Variants in AGAP6 observed in about 807,000 individuals in gnomAD.
AGAP6 encodes arf-GAP with GTPase, ANK repeat and PH domain-containing protein 6.
Under a neutral mutation model 63.9 loss-of-function variants are expected in AGAP6, and 29 were observed. The observed-to-expected ratio is 0.45, with a 90% CI of 0.34 to 0.62. The LOEUF (loss-of-function observed/expected upper bound fraction) is 0.62, where lower values mean the gene tolerates loss of function less well. AGAP6 is among the 20% of genes least tolerant of loss of function. The pLI is 0.01. For synonymous variants in AGAP6, 199 were observed against 332.9 expected, an observed-to-expected ratio of 0.60 and a Z score of 4.38; for missense variants, 493 against 884.9, an observed-to-expected ratio of 0.56 and a Z score of 5.62.
chr10:49,999,218 CA>C (rs1260023899), intron 4 of AGAP6, among the ~76,000 whole-genome samples: 1 of 134,902 alleles, frequency 7.4e-6, no homozygotes, highest in Admixed American at 8.4e-5. Context: ...CCAGCCTGGG[CA>C]ACAGAGCGAG....
At chr10:49,994,357 T>C (rs1554861597) in intron 3 of AGAP6, 38 bp from the exon 4 acceptor site, 6 of 1,515,214 alleles carry the variant, frequency 4.0e-6, no homozygotes, top group Non-Finnish European at 5.3e-6. Context: ...TTATGGTATT[T>C]GTATCAGAAG....
intron 3 of AGAP6, among the ~76,000 whole-genome samples, chr10:49,992,762 CT>C (rs1309392430): frequency 0.025 from 3,678 of 144,968 alleles, 85 homozygotes; most frequent in African/African-American, 0.067. Flanking sequence ...AGGTACCACA[CT>C]TTTTTTTTTT....
At chr10:50,004,659 G>T (rs1358096827) in intron 5 of AGAP6, 26 bp from the exon 6 acceptor site, 5 of 1,186,834 alleles carry the variant, frequency 4.2e-6, no homozygotes, top group Middle Eastern at 2.9e-4. Context: ...AACATCTATT[G>T]TTATGAATTT....
intron 5 of AGAP6, among the ~76,000 whole-genome samples, chr10:50,003,953 TA>T (rs1173428314): frequency 6.6e-6 from 1 of 152,244 alleles, no homozygotes; most frequent in Non-Finnish European, 1.5e-5. Flanking sequence ...ACAGGCTTTT[TA>T]AAAAGTGCTA....
Position 50,010,348 on chromosome 10 carries a change from A to G in AGAP6, c.*162A>G, listed in dbSNP as rs1317858606. The G allele has an allele frequency of 9.8e-6, 13 of 1,324,974 alleles. 1 individual carries two copies. The highest frequency in any genetic ancestry group is 2.8e-5 in the African/African-American group (2 of 70,560). 82.1% of individuals were successfully genotyped at this position (1,324,974 alleles called of 1,614,324 possible). A position where few individuals can be genotyped will look rare whatever the true frequency, so the allele number is the denominator to read the frequency against. ...ACACAAAATGTTGATTTTTCTGACC[A>G]TAAGACGTATTTTATGTCCTTCTGC... is the stretch of plus-strand genomic sequence containing the variant. On this transcript the variant is annotated 3_prime_UTR_variant, in exon 8 of 8. Coordinates refer to ENST00000412531, the MANE Select transcript of AGAP6 (RefSeq NM_001077665.3).
chr10:49,993,346 T>G (rs1447981494), intron 3 of AGAP6, among the ~76,000 whole-genome samples: 12 of 152,116 alleles, frequency 7.9e-5, no homozygotes, highest in Non-Finnish European at 1.3e-4. Context: ...TCTTCAGTGG[T>G]AGGAGCTTTT....
At chr10:50,005,405 A>T (rs1394194837) in intron 6 of AGAP6, among the ~76,000 whole-genome samples, 38 of 152,246 alleles carry the variant, frequency 2.5e-4, no homozygotes, top group African/African-American at 6.7e-4. Flanking sequence ...AGGTCAGGAG[A>T]TCGAGACCAT....
intron 2 of AGAP6, among the ~76,000 whole-genome samples, 184 bp downstream of exon 2, chr10:49,989,560 T>G (rs533814712): frequency 6.6e-6 from 1 of 152,226 alleles, no homozygotes; most frequent in African/African-American, 2.4e-5. Flanking sequence ...AGTGCCTAAT[T>G]GTTTCCTTTG....
intron 3 of AGAP6, among the ~76,000 whole-genome samples, chr10:49,992,336 T>A (rs1841315498): frequency 6.6e-6 from 1 of 152,166 alleles, no homozygotes; most frequent in Non-Finnish European, 1.5e-5. Flanking sequence ...CTCAATGTTA[T>A]GTTAAATCCT....
chr10:50,001,842 G>C (rs1841723436), intron 4 of AGAP6, among the ~76,000 whole-genome samples, 154 bp from the exon 5 acceptor site: 1 of 137,914 alleles, frequency 7.3e-6, no homozygotes, highest in African/African-American at 2.7e-5. Flanking sequence ...TGGAAGTTGA[G>C]AGCCTCCAAT....
chr10:50,008,247 G>A (rs542138849), intron 7 of AGAP6, among the ~76,000 whole-genome samples, 171 bp downstream of exon 7: 1 of 148,322 alleles, frequency 6.7e-6, no homozygotes, highest in Admixed American at 6.7e-5. Context: ...GCTCTGTTTA[G>A]TTAGTGAGCT....
At chr10:49,996,822 A>G (rs1564709460) in intron 4 of AGAP6, among the ~76,000 whole-genome samples, 1 of 151,678 alleles carries the variant, frequency 6.6e-6, no homozygotes. Context: ...TTAGTTCTGC[A>G]AGACAAACTG....
chr10:50,004,424 CAG>C (rs1841827649), intron 5 of AGAP6, among the ~76,000 whole-genome samples: 1 of 151,034 alleles, frequency 6.6e-6, no homozygotes, highest in East Asian at 1.9e-4. Flanking sequence ...AAGCATATAA[CAG>C]GGAAATCTGT....
chr10:49,995,516 G>A (rs782677179), intron 4 of AGAP6, among the ~76,000 whole-genome samples: 1 of 152,176 alleles, frequency 6.6e-6, no homozygotes, highest in African/African-American at 2.4e-5. Context: ...ATCTGCAAAA[G>A]CACATCTGTT....
In AGAP6 at chr10:49,991,583, T is replaced by G. The variant is rs1554860917; in HGVS notation, c.293-93T>G. 8 of 1,523,252 alleles carry G rather than the reference T, an allele frequency of 5.3e-6. No individual in the cohort carries two copies. The East Asian group carries it at 1.6e-4, about 30-fold the overall frequency. The allele number at this position is 1,523,252 out of a possible 1,614,324, so 94.4% of individuals were successfully genotyped here. On this transcript the variant is annotated intron_variant, in intron 2 of 7. Transcript: ENST00000412531. ...TGGATAAGAATCAAAGTAGAGATAG[T>G]GAAATAGCCTAAATGCAGCAGTCGA...
intron 4 of AGAP6, among the ~76,000 whole-genome samples, chr10:50,001,462 C>T (rs1318981767): frequency 3.4e-5 from 4 of 116,428 alleles, no homozygotes; most frequent in Non-Finnish European, 5.7e-5. Flanking sequence ...CTTTGTCTGC[C>T]GGCCTGGAGT....
Position 49,991,729 on chromosome 10 carries a change from A to G in AGAP6, c.346A>G (p.Asn116Asp), listed in dbSNP as rs2132119323. Residue 116 changes from asparagine to aspartate, a missense_variant, in exon 3 of 8, where the codon AAC becomes GAC. Physicochemically the swap from Asn to Asp is conservative, Grantham distance 23. This residue lies in a region of AGAP6 where 342 missense variants were observed against 533.4 expected (regional missense o/e 0.64). Transcript: ENST00000412531. The part of the protein sequence containing the change: ...NPEASTIFQR[N>D]SQTDVVEIRR... Reference sequence around the variant, plus strand: ...AGAGGCAAGCACAATATTCCAGAGGAACTCTCAAACAGATGGTGAGACGAC... The same window carrying G: ...AGAGGCAAGCACAATATTCCAGAGGGACTCTCAAACAGATGGTGAGACGAC... The G allele has an allele frequency of 1.3e-6, 2 of 1,598,696 alleles. 1 individual carries two copies. The highest frequency in any genetic ancestry group is 3.6e-4 in the Middle Eastern group (2 of 5,524).
intron 3 of AGAP6, among the ~76,000 whole-genome samples, chr10:49,992,720 G>A (rs769442520): frequency 3.4e-4 from 52 of 152,012 alleles, no homozygotes; most frequent in Non-Finnish European, 6.2e-4. Context: ...GGTTCCACAC[G>A]GTGAAAGAGG....
intron 6 of AGAP6, among the ~76,000 whole-genome samples, chr10:50,005,857 T>C (rs1183549685): frequency 6.7e-6 from 1 of 148,276 alleles, no homozygotes; most frequent in Non-Finnish European, 1.5e-5. Context: ...GAGGTGGAGG[T>C]TGCAGTGAGC....
Sources: allele counts gnomAD v4.1 joint callset (sites outside exome capture counted in the v4.1 genomes callset), GRCh38; gene constraint gnomAD v4.1.1; regional missense constraint gnomAD v4.1.1; transcripts MANE v1.5; gene names NCBI Gene and HGNC (gene_info 2026-07-23, HGNC 2026-07-21).